The following PCDH15 variants were observed in gnomAD, a reference collection of about 807,000 sequenced individuals.
PCDH15 encodes the protein protocadherin related 15, also known as protocadherin-15.
A neutral mutation model predicts 178.5 loss-of-function variants in PCDH15; 129 were observed. That is an observed-to-expected ratio of 0.72 (90% CI 0.63 to 0.84). The LOEUF (loss-of-function observed/expected upper bound fraction) is 0.84. Among genes scored for constraint, PCDH15 ranks in the 40% least tolerant of loss-of-function variants. The pLI is 0.00. For missense variants in PCDH15, 2,230 were observed against 2,099.9 expected (o/e 1.06, Z -1.21); for synonymous variants, 800 against 732.0 (o/e 1.09, Z -1.50).
At chr10:54,281,461 A>G (rs776369526) in intron 8 of PCDH15, among the ~76,000 whole-genome samples, 7 of 151,906 alleles carry the variant, frequency 4.6e-5, no homozygotes, top group Non-Finnish European at 1.0e-4. Flanking sequence ...AAATTAATAT[A>G]TGAATATTGA....
intron 2 of PCDH15, among the ~76,000 whole-genome samples, chr10:55,484,984 T>A (rs982323678): frequency 6.6e-6 from 1 of 151,796 alleles, no homozygotes; most frequent in Non-Finnish European, 1.5e-5. Flanking sequence ...GGGAAGGATT[T>A]TTTTGTCAAG....
intron 2 of PCDH15, among the ~76,000 whole-genome samples, chr10:54,920,394 G>A (rs1837454677): frequency 1.3e-5 from 2 of 149,568 alleles, no homozygotes; most frequent in Non-Finnish European, 3.0e-5. Flanking sequence ...GCTTGAACCC[G>A]GGAGGCGGAG....
intron 5 of PCDH15, among the ~76,000 whole-genome samples, chr10:54,364,142 G>A (rs926582884): frequency 3.3e-5 from 5 of 151,756 alleles, no homozygotes; most frequent in African/African-American, 9.7e-5. Context: ...AACCCTGGAG[G>A]CAGAGGTTGT....
At chr10:53,892,598 CT>C (rs1240785944) in intron 26 of PCDH15, among the ~76,000 whole-genome samples, 1 of 152,024 alleles carries the variant, frequency 6.6e-6, no homozygotes, top group African/African-American at 2.4e-5. Context: ...CTAAAATAGA[CT>C]TCATCTTGTC....
rs566657509 is a variant in PCDH15 at position 54,233,196 on chromosome 10, G to A, written c.985+3627C>T. ...AGGTCTCAAGCAATCCAACTGTCTC[G>A]GCCTCCCAAAATGTTGGAATTACAT... On this transcript the variant is annotated intron_variant, in intron 9 of 37. Transcript: ENST00000644397. Among the ~76,000 whole-genome samples, 8 of 151,816 alleles carry A rather than the reference G, an allele frequency of 5.3e-5. No individual in the cohort carries two copies. The East Asian group carries it at 9.7e-4, about 18-fold the overall frequency.
chr10:54,603,319 T>C (rs904184119), intron 2 of PCDH15, among the ~76,000 whole-genome samples: 3 of 151,986 alleles, frequency 2.0e-5, no homozygotes, highest in Non-Finnish European at 4.4e-5. Flanking sequence ...TTTGTCTTTT[T>C]CAAAACACAA....
chr10:54,343,177 G>A (rs191368823), intron 6 of PCDH15, among the ~76,000 whole-genome samples: 6 of 152,224 alleles, frequency 3.9e-5, no homozygotes. Context: ...TTGTCTCTGT[G>A]TCCCGACTAA....
Position 53,808,570 on chromosome 10 carries a change from A to ATAAG in PCDH15, c.4672-1444_4672-1441dup, listed in dbSNP as rs373720521. On this transcript the variant is annotated intron_variant, in intron 37 of 37. Transcript: ENST00000644397. ...TCACTTTTCTGGCATGCTTCTGATC[A>ATAAG]TAAGTCATATCAAAATCTTGATCAA... The ATAAG allele has an allele frequency of 8.0e-4, 1,160 of 1,457,256 alleles. 7 individuals are homozygous for ATAAG. In the African/African-American group the frequency reaches 0.014, roughly 18 times the overall value. 90.3% of individuals were successfully genotyped at this position (1,457,256 alleles called of 1,614,324 possible).
intron 2 of PCDH15, among the ~76,000 whole-genome samples, chr10:55,519,215 C>A (rs916592750): frequency 6.8e-6 from 1 of 148,084 alleles, no homozygotes; most frequent in African/African-American, 2.5e-5. Flanking sequence ...TGACTGAAAA[C>A]CCACCCTTCA....
Position 55,509,092 on chromosome 10 carries a change from A to C in PCDH15, c.-156+118533T>G, listed in dbSNP as rs184451427. Among the ~76,000 whole-genome samples, 13 of 151,914 alleles carry C rather than the reference A, an allele frequency of 8.6e-5. No homozygotes were observed. The Admixed American group carries it at 8.6e-4, about 10-fold the overall frequency. ...AGACAGTCAGAGAAAGCAATTACTT[A>C]AGAAATTGGAGTAAGGCAAAGAGAG... On this transcript the variant is annotated intron_variant, in intron 2 of 5. Transcript: ENST00000613346.
chr10:55,242,984 GT>G (rs1237854156), intron 1 of PCDH15, among the ~76,000 whole-genome samples: 1 of 152,108 alleles, frequency 6.6e-6, no homozygotes, highest in Non-Finnish European at 1.5e-5. Flanking sequence ...TTTGGAATAA[GT>G]TTTAACAGAT....
intron 1 of PCDH15, among the ~76,000 whole-genome samples, chr10:54,762,218 A>G (rs1157681869): frequency 2.0e-5 from 3 of 152,076 alleles, no homozygotes; most frequent in African/African-American, 7.2e-5. Context: ...GTCTTATAAG[A>G]AATGCTAATT....
At chr10:55,210,467 C>CAAAGG (rs1356377261) in intron 1 of PCDH15, among the ~76,000 whole-genome samples, 1 of 151,354 alleles carries the variant, frequency 6.6e-6, no homozygotes, top group Non-Finnish European at 1.5e-5. Flanking sequence ...TAGACAATAG[C>CAAAGG]AAAGGAAGCA....
intron 21 of PCDH15, among the ~76,000 whole-genome samples, chr10:53,976,010 T>G (rs943552039): frequency 6.6e-6 from 1 of 152,186 alleles, no homozygotes; most frequent in African/African-American, 2.4e-5. Context: ...ACTAGCACCA[T>G]TCACTGAATA....
intron 2 of PCDH15, among the ~76,000 whole-genome samples, chr10:55,015,125 G>T (rs932025629): frequency 6.6e-6 from 1 of 152,066 alleles, no homozygotes; most frequent in African/African-American, 2.4e-5. Context: ...GGAGGTTGAG[G>T]TGAGGGGATC....
intron 3 of PCDH15, among the ~76,000 whole-genome samples, chr10:54,410,913 G>T (rs1953395270): frequency 2.0e-5 from 3 of 152,064 alleles, no homozygotes; most frequent in South Asian, 4.1e-4. Context: ...GCCCTGATTT[G>T]CTGCTCAATA....
At chr10:54,394,258 T>A (rs1240938987) in intron 3 of PCDH15, among the ~76,000 whole-genome samples, 1 of 152,146 alleles carries the variant, frequency 6.6e-6, no homozygotes, top group East Asian at 1.9e-4. Flanking sequence ...ATATGTAGAC[T>A]CCTTAGAAGA....
intron 2 of PCDH15, among the ~76,000 whole-genome samples, chr10:55,536,258 TATAA>T (rs1290984189): frequency 2.1e-4 from 32 of 152,124 alleles, no homozygotes; most frequent in African/African-American, 7.7e-4. Flanking sequence ...TCCTGTAACA[TATAA>T]ATATTTTGTG....
intron 14 of PCDH15, among the ~76,000 whole-genome samples, chr10:54,137,247 A>G (rs1254119063): frequency 6.6e-6 from 1 of 152,296 alleles, no homozygotes; most frequent in Non-Finnish European, 1.5e-5. Flanking sequence ...GAGCATCTAT[A>G]TAAGAAAAAT....
Sources: allele counts gnomAD v4.1 joint callset (sites outside exome capture counted in the v4.1 genomes callset), GRCh38; gene constraint gnomAD v4.1.1; transcripts MANE v1.5; gene names NCBI Gene and HGNC (gene_info 2026-07-23, HGNC 2026-07-21).